Variants in GRM7 observed in about 807,000 individuals in gnomAD.
GRM7 encodes glutamate metabotropic receptor 7, also known as metabotropic glutamate receptor 7.
In GRM7, 35 loss-of-function variants were observed where a neutral mutation model predicts 84.5. The observed-to-expected ratio is 0.41, with a 90% confidence interval of 0.32 to 0.55. The LOEUF (loss-of-function observed/expected upper bound fraction) is 0.55, where lower values mean the gene tolerates loss of function less well. Among genes scored for constraint, GRM7 ranks in the 20% least tolerant of loss-of-function variants. The pLI, the probability that GRM7 is intolerant of heterozygous loss-of-function variation, is 0.19. For missense variants in GRM7, 1,003 were observed against 1,194.6 expected (o/e 0.84, Z 2.36); for synonymous variants, 487 against 455.1 (o/e 1.07, Z -0.89).
intron 2 of GRM7, among the ~76,000 whole-genome samples, chr3:7,216,533 T>C (rs1450833103): frequency 2.0e-5 from 3 of 152,182 alleles, no homozygotes; most frequent in Non-Finnish European, 4.4e-5. Context: ...ATATAACCCA[T>C]AACAATTTGA....
intron 1 of GRM7, among the ~76,000 whole-genome samples, chr3:6,992,531 A>G (rs923348390): frequency 5.3e-5 from 8 of 152,192 alleles, no homozygotes; most frequent in African/African-American, 1.9e-4. Context: ...TAAAGGAACT[A>G]TTTACAGAGC....
chr3:7,052,257 G>A (rs1448231571), intron 1 of GRM7, among the ~76,000 whole-genome samples: 2 of 151,598 alleles, frequency 1.3e-5, no homozygotes, highest in Non-Finnish European at 3.0e-5. Flanking sequence ...CTTCTGCCCT[G>A]TTCTCTGCTT....
At chr3:7,490,073 T>A (rs566125451) in intron 7 of GRM7, among the ~76,000 whole-genome samples, 2 of 152,146 alleles carry the variant, frequency 1.3e-5, no homozygotes, top group East Asian at 3.9e-4. Context: ...ACTTATACAA[T>A]TATAACAGAA....
At chr3:7,372,803 CA>C (rs1048645316) in intron 4 of GRM7, among the ~76,000 whole-genome samples, 1 of 151,704 alleles carries the variant, frequency 6.6e-6, no homozygotes, top group Non-Finnish European at 1.5e-5. Context: ...GTGTATGTGA[CA>C]GGGGTGTGTC....
chr3:7,363,906 T>C (rs915267275), intron 4 of GRM7, among the ~76,000 whole-genome samples: 3 of 152,096 alleles, frequency 2.0e-5, no homozygotes, highest in Non-Finnish European at 2.9e-5. Context: ...AATTTTCTCT[T>C]CTGCAAATTT....
chr3:7,172,886 G>A (rs981260050), intron 2 of GRM7, among the ~76,000 whole-genome samples: 1 of 151,858 alleles, frequency 6.6e-6, no homozygotes, highest in Admixed American at 6.6e-5. Flanking sequence ...CAAGAATATT[G>A]TTTACCAGAG....
intron 9 of GRM7, among the ~76,000 whole-genome samples, chr3:7,685,967 CATT>C (rs1236840936): frequency 2.0e-5 from 3 of 152,166 alleles, no homozygotes; most frequent in African/African-American, 7.2e-5. Flanking sequence ...ACATTCTCAA[CATT>C]ATGTTACTTG....
intron 9 of GRM7, chr3:7,691,362 G>T: frequency 1.3e-6 from 1 of 748,876 alleles, no homozygotes; most frequent in Non-Finnish European, 1.9e-6. Flanking sequence ...TTATAACCTG[G>T]CATGTGCTAT....
intron 1 of GRM7, among the ~76,000 whole-genome samples, chr3:7,097,734 A>G (rs1432023814): frequency 6.6e-6 from 1 of 152,174 alleles, no homozygotes; most frequent in African/African-American, 2.4e-5. Context: ...TGAGGTCACC[A>G]GAACTTCCAG....
At chr3:7,097,793 T>C in intron 1 of GRM7, among the ~76,000 whole-genome samples, 1 of 152,112 alleles carries the variant, frequency 6.6e-6, no homozygotes, top group East Asian at 1.9e-4. Context: ...TCTTGACTCC[T>C]TTGCCTCATT....
At chr3:7,466,962 A>G (rs1039241064) in intron 7 of GRM7, among the ~76,000 whole-genome samples, 3 of 152,204 alleles carry the variant, frequency 2.0e-5, no homozygotes, top group African/African-American at 7.2e-5. Flanking sequence ...TACCTAGCAC[A>G]CAGCAGGCAT....
intron 2 of GRM7, among the ~76,000 whole-genome samples, chr3:7,246,888 G>A (rs1697782489): frequency 6.6e-6 from 1 of 152,070 alleles, no homozygotes; most frequent in African/African-American, 2.4e-5. Flanking sequence ...CATTGTTGTA[G>A]GATTTACAGT....
chr3:7,213,542 G>A (rs1430366164), intron 2 of GRM7, among the ~76,000 whole-genome samples: 4 of 152,156 alleles, frequency 2.6e-5, no homozygotes, highest in African/African-American at 9.7e-5. Flanking sequence ...AGGTTCTCTG[G>A]AAAACAGCCT....
At chr3:6,892,980 T>G (rs1696026378) in intron 1 of GRM7, 1 of 152,112 alleles carries the variant, frequency 6.6e-6, no homozygotes, top group African/African-American at 2.4e-5. Context: ...TGTCATGACC[T>G]TGATGATGAT....
intron 5 of GRM7, among the ~76,000 whole-genome samples, chr3:7,431,730 T>C (rs1196949374): frequency 6.6e-6 from 1 of 152,182 alleles, no homozygotes; most frequent in Non-Finnish European, 1.5e-5. Context: ...AGGACAGTTT[T>C]GGGAGTGTAG....
At chr3:7,185,683 A>T (rs1381979593) in intron 2 of GRM7, among the ~76,000 whole-genome samples, 1 of 152,196 alleles carries the variant, frequency 6.6e-6, no homozygotes, top group East Asian at 1.9e-4. Context: ...CCTGTAAGTG[A>T]TGCAGATGCT....
intron 2 of GRM7, among the ~76,000 whole-genome samples, chr3:7,259,529 A>G (rs1026515718): frequency 6.6e-6 from 1 of 152,132 alleles, no homozygotes; most frequent in African/African-American, 2.4e-5. Context: ...TATAAGTGAT[A>G]ATATGTGGTA....
intron 7 of GRM7, among the ~76,000 whole-genome samples, chr3:7,566,108 T>G (rs796238885): frequency 0.16 from 1,916 of 12,178 alleles, 45 homozygotes; most frequent in African/African-American, 0.31. Flanking sequence ...CAGCTGTTTT[T>G]TTTTTTTTTT....
Position 7,579,340 on chromosome 3 carries a change from G to T in GRM7, c.2434G>T (p.Ala812Ser), listed in dbSNP as rs368325842. 6.4e-7 allele frequency: 1 copy of T among 1,552,034 alleles called. No homozygotes were observed. Among genetic ancestry groups the T allele is most frequent in the Admixed American group, 1.9e-5 (1 of 52,546 alleles). The change falls in exon 8 of 10, where the codon GCT (alanine) becomes TCT (serine). Residue 812 changes from alanine (A) to serine (S), a missense_variant. By Grantham distance (99) the Ala-to-Ser change is moderately conservative (BLOSUM62 1). Around this residue, in one of 2 missense-constraint regions of GRM7, gnomAD observed 910 missense variants for 1,126.0 expected, o/e 0.81. Coordinates refer to ENST00000357716, the MANE Select transcript of GRM7 (RefSeq NM_000844.4). ...CTTCATTCCAATTTTTTTTGGCACC[G>T]CTCAATCAGCGGAAAAGGTAAGTGA... is the stretch of plus-strand genomic sequence containing the variant. ...LAFIPIFFGT[A>S]QSAEKLYIQT...
Sources: allele counts gnomAD v4.1 joint callset (sites outside exome capture counted in the v4.1 genomes callset), GRCh38; gene constraint gnomAD v4.1.1; regional missense constraint gnomAD v4.1.1; transcripts MANE v1.5; gene names NCBI Gene and HGNC (gene_info 2026-07-23, HGNC 2026-07-21).